Variants in KIF21B observed in about 807,000 individuals in gnomAD.
KIF21B encodes kinesin-like protein KIF21B.
In KIF21B, 85 loss-of-function variants were observed where a neutral mutation model predicts 192.9. That is an observed-to-expected ratio of 0.44 (90% CI 0.37 to 0.53). The LOEUF (loss-of-function observed/expected upper bound fraction) is 0.53, where lower values mean the gene tolerates loss of function less well. Among genes scored for constraint, KIF21B ranks in the 20% least tolerant of loss-of-function variants. The probability of loss-of-function intolerance (pLI) is 0.00; values close to 1 mark genes in which losing one functional copy is unlikely to be tolerated. For synonymous variants in KIF21B, 832 were observed against 884.6 expected, an observed-to-expected ratio of 0.94 and a Z score of 1.05; for missense variants, 1,716 against 2,194.8, an observed-to-expected ratio of 0.78 and a Z score of 4.36.
intron 30 of KIF21B, among the ~76,000 whole-genome samples, chr1:200,979,282 T>G (rs903912544): frequency 2.6e-5 from 4 of 152,106 alleles, no homozygotes; most frequent in Admixed American, 1.3e-4. Context: ...GGGCAGGGCT[T>G]GGGGGACTGG....
rs532742405 is a variant in KIF21B, at chr1:200,971,224, G to A, written c.*2297C>T. On this transcript the variant is annotated 3_prime_UTR_variant, in exon 35 of 35. Transcript: ENST00000461742. ...GCACAACTCGGGGTGTCTCATGGAT[G>A]TTGGGCTCAGGGCTCCTGAAGGACT... 3 of 152,932 alleles carry A rather than the reference G, an allele frequency of 2.0e-5. No individual in the cohort carries two copies. In the South Asian group the frequency reaches 6.2e-4, roughly 32 times the overall value. 9.5% of individuals were successfully genotyped at this position (152,932 alleles called of 1,614,324 possible). A position where few individuals can be genotyped will look rare whatever the true frequency, so the allele number is the denominator to read the frequency against.
chr1:201,000,756 G>T lies in KIF21B; in HGVS notation c.1427C>A (p.Ala476Glu). 6.2e-7 allele frequency: 1 copy of T among 1,614,214 alleles called. No homozygotes were observed. Among genetic ancestry groups the T allele is most frequent in the Non-Finnish European group, 8.5e-7 (1 of 1,180,026 alleles). Residue 476 changes from alanine (A) to glutamate (E), a missense_variant, in exon 10 of 35, where the codon GCG becomes GAG. By Grantham distance (107) the Ala-to-Glu change is moderately radical. Transcript: ENST00000461742. The surrounding 1 kb of genome is among the most constrained non-coding windows in gnomAD (Gnocchi z 6.0). ...CTCCCGGATGTAGTTCTGGATCAGC[G>T]CACCAATGGCCTCATTGCCATCGCC... The part of the protein sequence containing the change: ...KAGDGNEAIG[A>E]LIQNYIREIE...
intron 27 of KIF21B, among the ~76,000 whole-genome samples, chr1:200,983,337 G>T (rs983257982): frequency 6.6e-6 from 1 of 152,126 alleles, no homozygotes; most frequent in African/African-American, 2.4e-5. Flanking sequence ...AGGGAGGAGC[G>T]AGGAGGGGGC....
In KIF21B at chr1:201,023,146, T is replaced by C. The variant is rs1201555764; in HGVS notation, c.41+197A>G. On this transcript the variant is annotated intron_variant, in intron 1 of 34. Transcript: ENST00000461742. The surrounding 1 kb of genome is among the most constrained non-coding windows in gnomAD (Gnocchi z 5.9). ...AATTACCACCCAAACAAAGCCACCTTCCAGTAGTCGGCGGGGTCGCCGCTC... is the reference window on the plus strand; with the variant it reads ...AATTACCACCCAAACAAAGCCACCTCCCAGTAGTCGGCGGGGTCGCCGCTC... Among the ~76,000 whole-genome samples the C allele has an allele frequency of 1.3e-5, 2 of 152,226 alleles. No individual in the cohort carries two copies. The highest frequency in any genetic ancestry group is 6.5e-5 in the Admixed American group (1 of 15,288).
At chr1:200,988,669 G>A in intron 22 of KIF21B, 97 bp downstream of exon 22, 1 of 1,509,346 alleles carries the variant, frequency 6.6e-7, no homozygotes, top group Non-Finnish European at 9.0e-7. Context: ...GTGGGGGTTA[G>A]GGGTGGTTCT....
chr1:200,971,195 T>G lies in KIF21B; in HGVS notation c.*2326A>C, dbSNP rs1412193335. The G allele has an allele frequency of 1.3e-5, 2 of 152,806 alleles. No homozygotes were observed. The highest frequency in any genetic ancestry group is 4.8e-5 in the African/African-American group (2 of 41,472). The allele number at this position is 152,806 out of a possible 1,614,324, so 9.5% of individuals were successfully genotyped here. A position where few individuals can be genotyped will look rare whatever the true frequency, so the allele number is the denominator to read the frequency against. ...GAGTGGGCAGAGAATCCAACTCTCA[T>G]GAAGCACAACTCGGGGTGTCTCATG... On this transcript the variant is annotated 3_prime_UTR_variant, in exon 35 of 35. Transcript: ENST00000461742.
rs766476616 is a variant in KIF21B, at chr1:201,003,648, G to A, written c.1150C>T (p.Gln384Ter). The A allele has an allele frequency of 6.2e-7, 1 of 1,614,216 alleles. No homozygotes were observed. Among genetic ancestry groups the A allele is most frequent in the Non-Finnish European group, 8.5e-7 (1 of 1,180,042 alleles). Residue 384 changes from glutamine (Q) to a stop codon, truncating the protein, a stop_gained, in exon 8 of 35, where the codon CAA becomes TAA. Transcript: ENST00000461742. LOFTEE classifies it high-confidence loss of function. Reference protein sequence around the residue: ...VVVNQDKTSQQISALRAEIAR... With the variant: ...VVVNQDKTSQ ...ATCTCAGCCCGCAGTGCACTGATTT[G>A]CTGGCTGGTCTTGTCCTGGTTCACT... is the stretch of plus-strand genomic sequence containing the variant.
chr1:201,009,916 T>C (rs899114991), intron 1 of KIF21B, among the ~76,000 whole-genome samples: 1 of 152,198 alleles, frequency 6.6e-6, no homozygotes, highest in Admixed American at 6.5e-5. Context: ...CACGTACTCC[T>C]GATTGGACCA....
chr1:201,018,289 A>C (rs894613921), intron 1 of KIF21B, among the ~76,000 whole-genome samples: 10 of 152,212 alleles, frequency 6.6e-5, no homozygotes, highest in African/African-American at 2.2e-4. Flanking sequence ...GACACATGCC[A>C]GGGATGGCTG....
chr1:201,004,998 G>A (rs1232101873), intron 5 of KIF21B, 65 bp from the exon 6 acceptor site: 23 of 1,535,586 alleles, frequency 1.5e-5, no homozygotes, highest in East Asian at 2.3e-5. Flanking sequence ...CCTGATCACA[G>A]TACTGCCATC....
chr1:201,001,109 GAAA>G (rs57228721), intron 9 of KIF21B, among the ~76,000 whole-genome samples: 2 of 117,044 alleles, frequency 1.7e-5, no homozygotes, highest in African/African-American at 3.0e-5. Flanking sequence ...CTCCGTCTCA[GAAA>G]AAAAAAAAAA....
chr1:201,003,616 C>T lies in KIF21B; in HGVS notation c.1182G>A (p.Arg394=). 6.2e-7 allele frequency: 1 copy of T among 1,614,110 alleles called. No individual in the cohort carries two copies. The highest frequency in any genetic ancestry group is 8.5e-7 in the Non-Finnish European group (1 of 1,180,048). The change falls in exon 8 of 35, where the codon CGG becomes CGA. Residue 394 remains arginine, a synonymous_variant. Coordinates refer to ENST00000461742, the MANE Select transcript of KIF21B (RefSeq NM_001252102.2). ...TATACTCCATCAGCTCCATCTGCAG[C>T]CGAGCAATCTCAGCCCGCAGTGCAC... ...QISALRAEIA[R]LQMELMEYKA...
chr1:200,981,166 C>T (rs549458522), intron 28 of KIF21B, 70 bp from the exon 29 acceptor site: 14 of 1,505,000 alleles, frequency 9.3e-6, no homozygotes, highest in African/African-American at 5.7e-5. Context: ...GATCAAGGCA[C>T]GTGTGTGGGA....
chr1:200,973,589 G>A lies in KIF21B; in HGVS notation c.4815-11C>T. 1.3e-6 allele frequency: 2 copies of A among 1,522,232 alleles called. No homozygotes were observed. The highest frequency in any genetic ancestry group is 1.8e-6 in the Non-Finnish European group (2 of 1,142,784). 94.3% of individuals were successfully genotyped at this position (1,522,232 alleles called of 1,614,324 possible). A position where few individuals can be genotyped will look rare whatever the true frequency, so the allele number is the denominator to read the frequency against. On this transcript the variant is annotated splice_polypyrimidine_tract_variant and intron_variant, in intron 34 of 34. Coordinates refer to ENST00000461742, the MANE Select transcript of KIF21B (RefSeq NM_001252102.2). ...TTCACCGTCAGGTCACTGGGGTGGA[G>A]GACAAAGTGGAGGGGTGCCGGTCAG...
At chr1:200,978,141 C>T (rs1424681703) in intron 30 of KIF21B, among the ~76,000 whole-genome samples, 1 of 150,600 alleles carries the variant, frequency 6.6e-6, no homozygotes, top group Non-Finnish European at 1.5e-5. Flanking sequence ...TCTCTGCCTC[C>T]CAGGTTCAAG....
At position 200,969,426 on chromosome 1, in the gene KIF21B, AAC is replaced by A. The variant is rs1655112589; in HGVS notation, c.*4093_*4094del. 6.5e-6 allele frequency: 1 copy of A among 152,810 alleles called. No homozygotes were observed. Among genetic ancestry groups the A allele is most frequent in the Admixed American group, 6.5e-5 (1 of 15,290 alleles). 9.5% of individuals were successfully genotyped at this position (152,810 alleles called of 1,614,324 possible). A position where few individuals can be genotyped will look rare whatever the true frequency, so the allele number is the denominator to read the frequency against. The stretch of plus-strand genomic sequence containing the variant: ...GGTTTTATTTATGACAACTTCTTAG[AAC>A]ACACACATCCAATCTAGGAACAGAA... On this transcript the variant is annotated 3_prime_UTR_variant, in exon 35 of 35. Coordinates refer to ENST00000461742, the MANE Select transcript of KIF21B (RefSeq NM_001252102.2).
rs1571916374 is a variant in KIF21B, at chr1:200,982,082, T to C, written c.3842+974A>G. On this transcript the variant is annotated intron_variant, in intron 28 of 34. Transcript: ENST00000461742. This position sits in a 1 kb window ranked among gnomAD's most constrained non-coding sequence, Gnocchi z 4.7. ...TTCTGGCACAGCTCCCCCCAGACTC[T>C]GCCAGGCCCACCCTTGAGGATGGTG... 6.6e-6 allele frequency among the ~76,000 whole-genome samples: 1 copy of C among 152,240 alleles called. No individual in the cohort carries two copies.
chr1:200,997,946 CT>C (rs779562226), intron 14 of KIF21B, among the ~76,000 whole-genome samples: 2 of 152,144 alleles, frequency 1.3e-5, no homozygotes, highest in Non-Finnish European at 2.9e-5. Context: ...ACAATGTCTG[CT>C]CTGTAAGACA....
At position 200,970,790 on chromosome 1, in the gene KIF21B, C is replaced by T. The variant is rs1011791193; in HGVS notation, c.*2731G>A. ...CTCAGGCGTTTAGAGATTTGGGGTGCGGGGTTTAGAGAGCGCTTTACTCCT... is the reference window on the plus strand; with the variant it reads ...CTCAGGCGTTTAGAGATTTGGGGTGTGGGGTTTAGAGAGCGCTTTACTCCT... On this transcript the variant is annotated 3_prime_UTR_variant, in exon 35 of 35. Transcript: ENST00000461742. 11 of 152,366 alleles carry T rather than the reference C, an allele frequency of 7.2e-5. No individual in the cohort carries two copies. Among genetic ancestry groups the T allele is most frequent in the Non-Finnish European group, 1.6e-4 (11 of 68,088 alleles). The allele number at this position is 152,366 out of a possible 1,614,324, so 9.4% of individuals were successfully genotyped here.
Sources: allele counts gnomAD v4.1 joint callset (sites outside exome capture counted in the v4.1 genomes callset), GRCh38; gene constraint gnomAD v4.1.1; non-coding constraint Gnocchi (gnomAD v3.1); transcripts MANE v1.5; gene names NCBI Gene and HGNC (gene_info 2026-07-23, HGNC 2026-07-21).